NAV2: variants seen among roughly 807,000 people sequenced by gnomAD.
NAV2 encodes the protein neuron navigator 2.
A neutral mutation model predicts 223.2 loss-of-function variants in NAV2; 54 were observed. That is an observed-to-expected ratio of 0.24 (90% CI 0.19 to 0.30). NAV2 has a LOEUF of 0.30. NAV2 is among the 10% of genes least tolerant of loss of function. The probability of loss-of-function intolerance (pLI) is 1.00; values close to 1 mark genes in which losing one functional copy is unlikely to be tolerated. For synonymous variants in NAV2, 1,279 were observed against 1,239.3 expected (o/e 1.03, Z -0.67); for missense variants, 2,806 against 3,147.5 (o/e 0.89, Z 2.60).
chr11:20,073,105 A>T (rs1240853692), intron 22 of NAV2, among the ~76,000 whole-genome samples: 2 of 152,134 alleles, frequency 1.3e-5, no homozygotes, highest in Admixed American at 1.3e-4. Flanking sequence ...TTTGAGATAC[A>T]TTCCATCAAT....
intron 1 of NAV2, among the ~76,000 whole-genome samples, chr11:19,738,104 T>C (rs2052483423): frequency 6.6e-6 from 1 of 152,268 alleles, no homozygotes; most frequent in South Asian, 2.1e-4. Context: ...GAAAATTCAC[T>C]GACTGGGGAG....
chr11:20,089,515 G>A (rs2403558), intron 26 of NAV2, among the ~76,000 whole-genome samples: 122,531 of 152,108 alleles, frequency 0.81, 49,678 homozygotes, highest in East Asian at 0.95. Flanking sequence ...GTCTTGGAGA[G>A]CCAGACTCAT....
At chr11:19,477,837 T>A (rs556098539) in intron 1 of NAV2, among the ~76,000 whole-genome samples, 2 of 152,294 alleles carry the variant, frequency 1.3e-5, no homozygotes, top group South Asian at 4.1e-4. Context: ...GCCTGAAGTT[T>A]CTCAGCCAAA....
At chr11:19,364,872 T>C (rs979264742) in intron 1 of NAV2, among the ~76,000 whole-genome samples, 2 of 151,438 alleles carry the variant, frequency 1.3e-5, no homozygotes, top group Non-Finnish European at 2.9e-5. Context: ...TGTCAACTCT[T>C]GTTATTTTTC....
At chr11:19,454,737 G>C (rs983338006) in intron 1 of NAV2, among the ~76,000 whole-genome samples, 1 of 152,170 alleles carries the variant, frequency 6.6e-6, no homozygotes, top group Non-Finnish European at 1.5e-5. Flanking sequence ...AAGTAAAGGA[G>C]GTCAATGGCT....
chr11:19,870,953 A>C (rs2062449806), intron 4 of NAV2, among the ~76,000 whole-genome samples: 1 of 152,208 alleles, frequency 6.6e-6, no homozygotes, highest in South Asian at 2.1e-4. Flanking sequence ...GCATTGCTTC[A>C]GAAGATGTTA....
chr11:19,985,113 A>G (rs2050662594), intron 11 of NAV2, among the ~76,000 whole-genome samples: 1 of 151,628 alleles, frequency 6.6e-6, no homozygotes, highest in African/African-American at 2.4e-5. Context: ...TTTGGGTACT[A>G]AACCTTTTAT....
rs1371989405 is a variant in NAV2 at position 20,030,555 on chromosome 11, CT to C, written c.2769-5403del. 2.0e-5 allele frequency among the ~76,000 whole-genome samples: 3 copies of C among 152,188 alleles called. No homozygotes were observed. The East Asian group carries it at 5.8e-4, about 29-fold the overall frequency. On this transcript the variant is annotated intron_variant, in intron 11 of 37. Coordinates refer to ENST00000349880, the MANE Select transcript of NAV2 (RefSeq NM_145117.5). ...ATTACACTTACCTACAAAATTAGTGCTGTTTGAAAGCTTGGATAATTAAATT... is the reference window on the plus strand; with the variant it reads ...ATTACACTTACCTACAAAATTAGTGCGTTTGAAAGCTTGGATAATTAAATT...
intron 1 of NAV2, among the ~76,000 whole-genome samples, chr11:19,615,465 C>A (rs866021761): frequency 6.6e-6 from 1 of 151,686 alleles, no homozygotes; most frequent in Non-Finnish European, 1.5e-5. Flanking sequence ...CACTGTTTTG[C>A]GTTTATTATT....
intron 1 of NAV2, among the ~76,000 whole-genome samples, chr11:19,688,740 A>G (rs1420932826): frequency 1.3e-5 from 2 of 152,170 alleles, no homozygotes; most frequent in African/African-American, 4.8e-5. Context: ...AGGAGTAATC[A>G]AAGTATATTA....
chr11:20,069,343 A>G (rs898451109), intron 22 of NAV2, among the ~76,000 whole-genome samples: 1 of 152,096 alleles, frequency 6.6e-6, no homozygotes, highest in African/African-American at 2.4e-5. Context: ...GAGGGGACAG[A>G]AGTAGGGAGG....
intron 19 of NAV2, chr11:20,056,767 C>T: frequency 3.1e-6 from 2 of 646,752 alleles, no homozygotes; most frequent in Non-Finnish European, 2.8e-6. Context: ...TCCAGCTCCA[C>T]TGCTTTTTAG....
At chr11:19,492,958 T>A (rs2042679300) in intron 1 of NAV2, among the ~76,000 whole-genome samples, 1 of 152,212 alleles carries the variant, frequency 6.6e-6, no homozygotes, top group Non-Finnish European at 1.5e-5. Flanking sequence ...TCACCTCAGC[T>A]CCTTAATGTC....
chr11:20,032,495 C>T (rs902482352), intron 11 of NAV2, among the ~76,000 whole-genome samples: 3 of 152,226 alleles, frequency 2.0e-5, no homozygotes, highest in Non-Finnish European at 2.9e-5. Flanking sequence ...GTTACAACTG[C>T]TCTCTTTCCT....
At chr11:19,881,782 G>A (rs1225032297) in intron 5 of NAV2, among the ~76,000 whole-genome samples, 5 of 152,186 alleles carry the variant, frequency 3.3e-5, no homozygotes, top group Non-Finnish European at 7.3e-5. Flanking sequence ...ATAATAAGAT[G>A]ATGGGATTCA....
intron 11 of NAV2, chr11:20,022,965 A>T (rs1237046194): frequency 2.9e-6 from 4 of 1,375,730 alleles, no homozygotes; most frequent in Non-Finnish European, 4.0e-6. Context: ...CCTGCTAGCT[A>T]GTCCTTTAGT....
At chr11:19,916,722 C>T (rs887283451) in intron 6 of NAV2, among the ~76,000 whole-genome samples, 2 of 152,192 alleles carry the variant, frequency 1.3e-5, no homozygotes, top group African/African-American at 4.8e-5. Context: ...ATATTTTGGA[C>T]TTCGAGGGCC....
upstream of NAV2, among the ~76,000 whole-genome samples, chr11:19,349,582 T>C (rs1464892245): frequency 6.6e-6 from 1 of 152,198 alleles, no homozygotes; most frequent in Non-Finnish European, 1.5e-5. Flanking sequence ...GCTAGTGCGT[T>C]CATTACAAAT....
Position 20,068,358 on chromosome 11 carries a change from A to T in NAV2, c.4943A>T (p.Gln1648Leu), listed in dbSNP as rs752028069. ...RKLRRELDAS[Q>L]EKVSALTTQL... ...CTGCGGCGGGAACTGGATGCCTCCC[A>T]GGAGAAAGTTTCAGCTTTGACCACC... Residue 1648 changes from glutamine (Q) to leucine (L), a missense_variant, in exon 22 of 38, where the codon CAG becomes CTG. Coordinates refer to ENST00000349880, the MANE Select transcript of NAV2 (RefSeq NM_145117.5). 1.2e-6 allele frequency: 2 copies of T among 1,614,194 alleles called. No homozygotes were observed. The highest frequency in any genetic ancestry group is 1.7e-6 in the Non-Finnish European group (2 of 1,180,016).
Sources: gnomAD v4.1 joint callset for allele counts (sites outside exome capture counted in the v4.1 genomes callset) on GRCh38, gnomAD v4.1.1 for gene constraint, MANE v1.5 for transcripts, NCBI Gene and HGNC (gene_info 2026-07-23, HGNC 2026-07-21) for gene names.